PTPRF: variants seen among roughly 807,000 people sequenced by gnomAD.
PTPRF encodes the protein receptor-type tyrosine-protein phosphatase F.
Under a neutral mutation model 201.8 loss-of-function variants are expected in PTPRF, and 59 were observed. The ratio of observed to expected loss-of-function variants is 0.29; its 90% CI spans 0.24 to 0.36. The LOEUF is 0.36. Among genes scored for constraint, PTPRF ranks in the 10% least tolerant of loss-of-function variants. PTPRF has a pLI of 1.00. For missense variants in PTPRF, 2,132 were observed against 2,690.5 expected (o/e 0.79, Z 4.59); for synonymous variants, 1,088 against 1,089.7 (o/e 1.00, Z 0.03).
At chr1:43,538,986 A>G (rs1275874947) in intron 2 of PTPRF, among the ~76,000 whole-genome samples, 1 of 152,220 alleles carries the variant, frequency 6.6e-6, no homozygotes, top group Non-Finnish European at 1.5e-5. Flanking sequence ...GCAGAGAAGC[A>G]ATATCCATGT....
chr1:43,587,407 T>C (rs1481847079), intron 7 of PTPRF, among the ~76,000 whole-genome samples: 1 of 152,216 alleles, frequency 6.6e-6, no homozygotes, highest in Admixed American at 6.5e-5. Context: ...AGATATGTTA[T>C]GCCACGCTGT....
chr1:43,530,760 G>C (rs1643361155), upstream of PTPRF: 1 of 152,852 alleles, frequency 6.5e-6, no homozygotes, highest in South Asian at 1.8e-4. This position sits in a 1 kb window ranked among gnomAD's most constrained non-coding sequence, Gnocchi z 4.1. Context: ...GGGCCTCAGC[G>C]GCTCCGCGGC....
At chr1:43,590,534 A>G (rs867748964) in intron 8 of PTPRF, among the ~76,000 whole-genome samples, 40 of 152,168 alleles carry the variant, frequency 2.6e-4, no homozygotes, top group Admixed American at 2.6e-4. Context: ...CCAGTCCCTA[A>G]GGAAATATCT....
intron 23 of PTPRF, 81 bp downstream of exon 23, chr1:43,613,796 T>G: frequency 7.9e-7 from 1 of 1,271,492 alleles, no homozygotes; most frequent in Non-Finnish European, 1.1e-6. Context: ...GTCCCAGCTG[T>G]GGTGGGTGAG....
At chr1:43,549,784 G>T (rs934088550) in intron 3 of PTPRF, among the ~76,000 whole-genome samples, 11 of 152,008 alleles carry the variant, frequency 7.2e-5, no homozygotes, top group Non-Finnish European at 1.3e-4. Context: ...GAGCCTAGGA[G>T]GTGGAGGCGG....
intron 7 of PTPRF, among the ~76,000 whole-genome samples, chr1:43,581,149 G>C (rs907421235): frequency 6.6e-6 from 1 of 152,210 alleles, no homozygotes; most frequent in African/African-American, 2.4e-5. Flanking sequence ...TGTCTGTGGG[G>C]CTCCCTGTTT....
rs1261423062 is a variant in PTPRF at position 43,554,784 on chromosome 1, G to T, written c.379+843G>T. ...GACCCCAGCCACAACTGATTCATCA[G>T]TCTGAATGTGTTTATGTTTTCAAAA... On this transcript the variant is annotated intron_variant, in intron 5 of 33. Coordinates refer to ENST00000359947, the MANE Select transcript of PTPRF (RefSeq NM_002840.5). This position sits in a 1 kb window ranked among gnomAD's most constrained non-coding sequence, Gnocchi z 4.1. Among the ~76,000 whole-genome samples, 2 of 152,108 alleles carry T rather than the reference G, an allele frequency of 1.3e-5. No homozygotes were observed. Among genetic ancestry groups the T allele is most frequent in the Non-Finnish European group, 2.9e-5 (2 of 68,008 alleles).
chr1:43,613,611 C>G lies in PTPRF; in HGVS notation c.3974-7C>G, dbSNP rs1657018715. 4 of 1,612,390 alleles carry G rather than the reference C, an allele frequency of 2.5e-6. No individual in the cohort carries two copies. In the South Asian group the frequency reaches 4.4e-5, roughly 18 times the overall value. On this transcript the variant is annotated splice_polypyrimidine_tract_variant and splice_region_variant and intron_variant, in intron 22 of 33. Coordinates refer to ENST00000359947, the MANE Select transcript of PTPRF (RefSeq NM_002840.5). Reference sequence around the variant, plus strand: ...AATGCTGCCTGTGTATGCCCTACCTCCCCTAGGTATGCGAGACCACCCACC... The same window carrying G: ...AATGCTGCCTGTGTATGCCCTACCTGCCCTAGGTATGCGAGACCACCCACC...
intron 7 of PTPRF, among the ~76,000 whole-genome samples, chr1:43,581,400 C>T (rs188082239): frequency 3.0e-4 from 46 of 152,340 alleles, no homozygotes; most frequent in African/African-American, 1.0e-3. Context: ...GTCTCAGGAC[C>T]GTTTCTAAGC....
intron 7 of PTPRF, among the ~76,000 whole-genome samples, chr1:43,585,397 T>C (rs1214176938): frequency 1.3e-5 from 2 of 152,052 alleles, no homozygotes. Context: ...CTCCCTCACA[T>C]GGAAAATGTC....
chr1:43,526,713 G>A (rs1643130456), upstream of PTPRF, among the ~76,000 whole-genome samples: 1 of 152,216 alleles, frequency 6.6e-6, no homozygotes, highest in African/African-American at 2.4e-5. Context: ...GGCTGCAACT[G>A]CGGGGGCCTG....
At chr1:43,616,920 C>T (rs1657998228) in intron 23 of PTPRF, among the ~76,000 whole-genome samples, 1 of 151,994 alleles carries the variant, frequency 6.6e-6, no homozygotes, top group Non-Finnish European at 1.5e-5. Flanking sequence ...GTCCTGCCCA[C>T]GGGAAGGGCA....
intron 5 of PTPRF, among the ~76,000 whole-genome samples, chr1:43,560,538 A>T (rs1645734977): frequency 6.6e-6 from 1 of 152,132 alleles, no homozygotes; most frequent in Non-Finnish European, 1.5e-5. Flanking sequence ...AGGAGTGGGC[A>T]GCAAGCAGCC....
At chr1:43,594,388 A>T (rs1651724986) in intron 11 of PTPRF, among the ~76,000 whole-genome samples, 1 of 134,236 alleles carries the variant, frequency 7.4e-6, no homozygotes, top group South Asian at 2.7e-4. Flanking sequence ...TCCAGCTGCA[A>T]GGCACATGGT....
At chr1:43,606,578 G>A (rs890240408) in intron 20 of PTPRF, 120 bp downstream of exon 20, 2 of 1,147,832 alleles carry the variant, frequency 1.7e-6, no homozygotes, top group Non-Finnish European at 2.5e-6. Flanking sequence ...TCGAGATCCT[G>A]GGGCAGCACT....
At chr1:43,549,815 T>TGTG (rs1644904614) in intron 3 of PTPRF, among the ~76,000 whole-genome samples, 1 of 151,472 alleles carries the variant, frequency 6.6e-6, no homozygotes, top group Non-Finnish European at 1.5e-5. Context: ...GAGCTGAGAT[T>TGTG]GTGCCACTTG....
At chr1:43,590,101 C>T (rs960866489) in intron 8 of PTPRF, among the ~76,000 whole-genome samples, 3 of 152,168 alleles carry the variant, frequency 2.0e-5, no homozygotes, top group Admixed American at 6.5e-5. Context: ...CTGTCACGCG[C>T]CAGCTGTCCA....
At chr1:43,576,957 A>T (rs577200457) in intron 6 of PTPRF, among the ~76,000 whole-genome samples, 2 of 151,950 alleles carry the variant, frequency 1.3e-5, no homozygotes, top group South Asian at 4.2e-4. Flanking sequence ...CCCCCTGCCC[A>T]TCTACTCAGC....
chr1:43,619,494 G>T lies in PTPRF; in HGVS notation c.4853G>T (p.Arg1618Leu). ...ATCGHTEVPA[R>L]NLYAHIQKLG... ...TGCGGCCACACAGAGGTGCCTGCCC[G>T]CAACCTGTATGCCCACATCCAGAAG... The change falls in exon 28 of 34, where the codon CGC (arginine) becomes CTC (leucine). Residue 1618 changes from arginine to leucine, a missense_variant. Arg to Leu is a moderately radical substitution (Grantham distance 102). This residue lies in a region of PTPRF where 519 missense variants were observed against 659.5 expected (regional missense o/e 0.79). Coordinates refer to ENST00000359947, the MANE Select transcript of PTPRF (RefSeq NM_002840.5). 6.2e-7 allele frequency: 1 copy of T among 1,614,016 alleles called. No individual in the cohort carries two copies. Among genetic ancestry groups the T allele is most frequent in the Non-Finnish European group, 8.5e-7 (1 of 1,180,036 alleles).
Sources: allele counts gnomAD v4.1 joint callset (sites outside exome capture counted in the v4.1 genomes callset), GRCh38; gene constraint gnomAD v4.1.1; regional missense constraint gnomAD v4.1.1; non-coding constraint Gnocchi (gnomAD v3.1); transcripts MANE v1.5; gene names NCBI Gene and HGNC (gene_info 2026-07-23, HGNC 2026-07-21).